PIBF1: variants seen among roughly 807,000 people sequenced by gnomAD.
PIBF1 encodes the protein progesterone-induced-blocking factor 1.
PIBF1 carries 90 observed loss-of-function variants against 112.5 expected under a neutral mutation model. That is an observed-to-expected ratio of 0.80 (90% CI 0.67 to 0.95). The LOEUF (loss-of-function observed/expected upper bound fraction) is 0.95. PIBF1 is among the 40% of genes least tolerant of loss of function. PIBF1 has a pLI of 0.00. For synonymous variants in PIBF1, 301 were observed against 288.6 expected (o/e 1.04, Z -0.44); for missense variants, 915 against 852.3 (o/e 1.07, Z -0.92).
At chr13:72,992,088 T>C (rs923144035) in intron 16 of PIBF1, among the ~76,000 whole-genome samples, 1 of 152,106 alleles carries the variant, frequency 6.6e-6, no homozygotes, top group Admixed American at 6.6e-5. Flanking sequence ...AGAGCTTTGG[T>C]AAGCCAAGAT....
At chr13:72,888,744 G>C (rs541273988) in intron 10 of PIBF1, among the ~76,000 whole-genome samples, 1 of 151,288 alleles carries the variant, frequency 6.6e-6, no homozygotes, top group African/African-American at 2.4e-5. Flanking sequence ...GGAAGTTACA[G>C]AGAAGAATAT....
chr13:72,822,103 T>C, intron 6 of PIBF1, 121 bp downstream of exon 6: 1 of 836,374 alleles, frequency 1.2e-6, no homozygotes, highest in African/African-American at 1.8e-5. Context: ...TTTGCACAAA[T>C]GCATGCAGTT....
chr13:72,826,844 C>T (rs559042901), intron 6 of PIBF1, among the ~76,000 whole-genome samples, 166 bp from the exon 7 acceptor site: 1 of 152,202 alleles, frequency 6.6e-6, no homozygotes, highest in South Asian at 2.1e-4. Flanking sequence ...GAAACAGAGT[C>T]CCTTCTAAAT....
intron 13 of PIBF1, among the ~76,000 whole-genome samples, chr13:72,921,484 A>G (rs1008733891): frequency 3.3e-5 from 5 of 152,154 alleles, no homozygotes; most frequent in African/African-American, 1.2e-4. Context: ...AAATGTATAC[A>G]GATATATATA....
intron 14 of PIBF1, among the ~76,000 whole-genome samples, chr13:72,961,248 G>A (rs10492654): frequency 0.16 from 23,587 of 151,852 alleles, 2,239 homozygotes; most frequent in Middle Eastern, 0.26. Flanking sequence ...TTTTAACAAT[G>A]TTCTCATTAC....
intron 10 of PIBF1, among the ~76,000 whole-genome samples, chr13:72,881,489 G>A (rs1458135289): frequency 3.9e-5 from 6 of 152,104 alleles, no homozygotes; most frequent in East Asian, 1.9e-4. Context: ...AGGCCAAGGC[G>A]GGTGGATCAC....
intron 14 of PIBF1, among the ~76,000 whole-genome samples, chr13:72,962,926 G>A (rs2042644064): frequency 6.6e-6 from 1 of 152,158 alleles, no homozygotes; most frequent in African/African-American, 2.4e-5. Context: ...ACTAGAATAA[G>A]GATGGACATA....
intron 17 of PIBF1, among the ~76,000 whole-genome samples, chr13:73,003,105 C>T (rs1398618824): frequency 2.7e-5 from 4 of 150,308 alleles, no homozygotes; most frequent in Non-Finnish European, 5.9e-5. Flanking sequence ...CGACGTAGTT[C>T]AGGCCTTGAC....
intron 16 of PIBF1, among the ~76,000 whole-genome samples, chr13:72,987,858 A>ATTTATTTATTTTTT (rs1345167411): frequency 5.2e-5 from 3 of 58,136 alleles, no homozygotes; most frequent in East Asian, 8.1e-4. Flanking sequence ...TTATTTATTT[A>ATTTATTTATTTTTT]TTTTTTTTTT....
At chr13:72,899,112 A>G in intron 11 of PIBF1, among the ~76,000 whole-genome samples, 1 of 152,176 alleles carries the variant, frequency 6.6e-6, no homozygotes, top group East Asian at 1.9e-4. Flanking sequence ...AATAACAAGC[A>G]GCGAGATTGA....
At chr13:72,795,908 G>A (rs980535010) in intron 4 of PIBF1, among the ~76,000 whole-genome samples, 25 of 152,152 alleles carry the variant, frequency 1.6e-4, no homozygotes, top group Non-Finnish European at 2.6e-4. Context: ...TAAAGGGATA[G>A]GATGAGAAAG....
intron 10 of PIBF1, among the ~76,000 whole-genome samples, chr13:72,860,743 C>T (rs984535817): frequency 2.0e-5 from 3 of 152,062 alleles, no homozygotes; most frequent in Admixed American, 6.6e-5. Flanking sequence ...TGTATGGAAA[C>T]GGTGTGCCAT....
chr13:72,812,677 G>A (rs189362698), intron 5 of PIBF1, among the ~76,000 whole-genome samples: 99 of 152,150 alleles, frequency 6.5e-4, no homozygotes, highest in Non-Finnish European at 1.1e-3. Flanking sequence ...CCAGCTACTC[G>A]GGAGGCTGAG....
At chr13:72,931,718 G>GTGTATATATATA (rs1555317840) in intron 14 of PIBF1, among the ~76,000 whole-genome samples, 2 of 101,978 alleles carry the variant, frequency 2.0e-5, no homozygotes, top group Non-Finnish European at 3.9e-5. Context: ...TTTAAACTAC[G>GTGTATATATATA]TATATATATA....
At position 72,979,160 on chromosome 13, in the gene PIBF1, C is replaced by A. The variant is rs763227205; in HGVS notation, c.2049+5485C>A. On this transcript the variant is annotated intron_variant, in intron 16 of 17. Transcript: ENST00000326291. ...CAGTGAATCATAATCACACCACTGC[C>A]CTCCAGCTTGGGTGACAGCAACACT... 5.9e-5 allele frequency among the ~76,000 whole-genome samples: 9 copies of A among 152,186 alleles called. No individual in the cohort carries two copies. In the East Asian group the frequency reaches 1.4e-3, roughly 23 times the overall value.
chr13:72,844,235 A>G (rs1220132044), intron 9 of PIBF1, among the ~76,000 whole-genome samples: 4 of 152,226 alleles, frequency 2.6e-5, no homozygotes, highest in East Asian at 3.9e-4. Context: ...TGACTCTGCA[A>G]TGCAGTGCAC....
At chr13:72,904,433 C>CATTTTTTTTTTTT in intron 11 of PIBF1, among the ~76,000 whole-genome samples, 1 of 36,554 alleles carries the variant, frequency 2.7e-5, no homozygotes, top group African/African-American at 1.1e-4. Flanking sequence ...CAAAATATTT[C>CATTTTTTTTTTTT]TTTTTTTTTT....
At chr13:72,817,447 T>C (rs906302932) in intron 5 of PIBF1, among the ~76,000 whole-genome samples, 2 of 152,204 alleles carry the variant, frequency 1.3e-5, no homozygotes, top group Non-Finnish European at 2.9e-5. Flanking sequence ...AAGTTTACTT[T>C]TTTTGCTTCT....
chr13:72,824,698 G>C (rs1219348373), intron 6 of PIBF1, among the ~76,000 whole-genome samples: 1 of 152,140 alleles, frequency 6.6e-6, no homozygotes, highest in East Asian at 1.9e-4. Flanking sequence ...GTATAAGTAT[G>C]TTAGGGAATA....
Sources: gnomAD v4.1 joint callset for allele counts (sites outside exome capture counted in the v4.1 genomes callset) on GRCh38, gnomAD v4.1.1 for gene constraint, MANE v1.5 for transcripts, NCBI Gene and HGNC (gene_info 2026-07-23, HGNC 2026-07-21) for gene names.